The following KHDRBS2 variants were observed in gnomAD, a reference collection of about 807,000 sequenced individuals.
The protein encoded by KHDRBS2 is KH domain-containing, RNA-binding, signal transduction-associated protein 2.
A neutral mutation model predicts 44.3 loss-of-function variants in KHDRBS2; 26 were observed. The ratio of observed to expected loss-of-function variants is 0.59; its 90% CI spans 0.43 to 0.81. KHDRBS2 has a LOEUF of 0.81. Ranked by LOEUF, KHDRBS2 falls within the 40% of genes least tolerant of loss-of-function variation. The pLI is 0.00. For synonymous variants in KHDRBS2, 194 were observed against 151.1 expected, an observed-to-expected ratio of 1.28 and a Z score of -2.08; for missense variants, 476 against 433.1, an observed-to-expected ratio of 1.10 and a Z score of -0.88.
intron 6 of KHDRBS2, among the ~76,000 whole-genome samples, chr6:61,744,417 C>A (rs1776589208): frequency 6.6e-6 from 1 of 152,120 alleles, no homozygotes; most frequent in Non-Finnish European, 1.5e-5. Context: ...GCTATCCATT[C>A]TTTATGTTAC....
At chr6:61,599,551 G>C in the KHDRBS2 span, among the ~76,000 whole-genome samples, 4 of 152,190 alleles carry the variant, frequency 2.6e-5, no homozygotes, top group Non-Finnish European at 4.4e-5. Context: ...TAAGGATAGT[G>C]TTTGCACATA....
At chr6:61,812,463 C>G (rs920741660) in intron 6 of KHDRBS2, among the ~76,000 whole-genome samples, 1 of 151,932 alleles carries the variant, frequency 6.6e-6, no homozygotes, top group Non-Finnish European at 1.5e-5. Flanking sequence ...TTTCCAACAA[C>G]CCAGGAGGAA....
chr6:61,998,156 G>T (rs961654230), intron 3 of KHDRBS2, among the ~76,000 whole-genome samples: 1 of 152,078 alleles, frequency 6.6e-6, no homozygotes, highest in Non-Finnish European at 1.5e-5. Flanking sequence ...GAACCTGAAT[G>T]AGGGAGACTT....
chr6:62,250,144 G>A (rs72870783), intron 1 of KHDRBS2, among the ~76,000 whole-genome samples: 1 of 152,152 alleles, frequency 6.6e-6, no homozygotes, highest in Non-Finnish European at 1.5e-5. Context: ...CAAAGTGCAC[G>A]CTGACTCTCC....
intron 2 of KHDRBS2, among the ~76,000 whole-genome samples, chr6:62,126,039 C>A (rs562371294): frequency 6.6e-6 from 1 of 152,252 alleles, no homozygotes; most frequent in African/African-American, 2.4e-5. Flanking sequence ...TAAGCAGTCT[C>A]TTGGGGTCCC....
chr6:61,819,251 A>G (rs1184617008), intron 6 of KHDRBS2, among the ~76,000 whole-genome samples: 2 of 152,052 alleles, frequency 1.3e-5, no homozygotes, highest in Admixed American at 1.3e-4. Flanking sequence ...ATGAAGGGTT[A>G]AGAGAATAAG....
chr6:61,551,416 C>T, the KHDRBS2 span, among the ~76,000 whole-genome samples: 1 of 152,016 alleles, frequency 6.6e-6, no homozygotes, highest in Admixed American at 6.6e-5. Flanking sequence ...TTGCTTTTGG[C>T]ATCATTGTCA....
At chr6:62,196,032 A>G (rs1563042520) in intron 1 of KHDRBS2, among the ~76,000 whole-genome samples, 1 of 152,290 alleles carries the variant, frequency 6.6e-6, no homozygotes, top group East Asian at 1.9e-4. Flanking sequence ...GTGATTTCCC[A>G]TTCTGGGTGA....
chr6:61,617,417 T>G, the KHDRBS2 span, among the ~76,000 whole-genome samples: 1 of 127,978 alleles, frequency 7.8e-6, no homozygotes, highest in Admixed American at 8.2e-5. Context: ...TTATTTTGAT[T>G]ATCTTCTTTC....
At chr6:62,242,175 T>A (rs926771903) in intron 1 of KHDRBS2, among the ~76,000 whole-genome samples, 1 of 152,162 alleles carries the variant, frequency 6.6e-6, no homozygotes, top group Admixed American at 6.6e-5. Context: ...GATAAAACTA[T>A]GTTTACAGAC....
At chr6:61,845,048 CTA>C (rs1442142388) in intron 6 of KHDRBS2, among the ~76,000 whole-genome samples, 1 of 152,056 alleles carries the variant, frequency 6.6e-6, no homozygotes, top group Non-Finnish European at 1.5e-5. Context: ...AAGATAAACT[CTA>C]GATATTTTAA....
At chr6:61,598,001 T>C in the KHDRBS2 span, among the ~76,000 whole-genome samples, 3 of 149,392 alleles carry the variant, frequency 2.0e-5, no homozygotes, top group East Asian at 2.0e-4. Context: ...AAGGAGCAAA[T>C]ATTTTGTACT....
At chr6:62,198,069 C>CGG (rs987820904) in intron 1 of KHDRBS2, among the ~76,000 whole-genome samples, 4 of 152,108 alleles carry the variant, frequency 2.6e-5, no homozygotes, top group Admixed American at 2.0e-4. Context: ...ATCAGAATCT[C>CGG]GGGGACACAT....
rs1169805370 is a variant in KHDRBS2 at position 62,156,197 on chromosome 6, A to G, written c.219+20988T>C. On this transcript the variant is annotated intron_variant, in intron 2 of 8. Coordinates refer to ENST00000281156, the MANE Select transcript of KHDRBS2 (RefSeq NM_152688.4). ...TCACTGTGTGTAAAAAACTTTTAATAATTTCAAAGGATCTGTGGCAAATAT... is the reference window on the plus strand; with the variant it reads ...TCACTGTGTGTAAAAAACTTTTAATGATTTCAAAGGATCTGTGGCAAATAT... Among the ~76,000 whole-genome samples the G allele has an allele frequency of 3.3e-5, 5 of 152,296 alleles. No homozygotes were observed. The East Asian group carries it at 9.7e-4, about 29-fold the overall frequency.
At chr6:62,002,994 A>C (rs949561953) in intron 3 of KHDRBS2, among the ~76,000 whole-genome samples, 1 of 152,092 alleles carries the variant, frequency 6.6e-6, no homozygotes, top group Non-Finnish European at 1.5e-5. Context: ...CATATGTAAA[A>C]ATTTCATAGT....
intron 3 of KHDRBS2, among the ~76,000 whole-genome samples, chr6:61,998,444 C>T (rs1346344434): frequency 1.3e-5 from 2 of 152,012 alleles, no homozygotes; most frequent in South Asian, 2.1e-4. Flanking sequence ...ATAATATCTA[C>T]ATTTTGGTTT....
At chr6:61,778,793 T>C (rs750934107) in intron 6 of KHDRBS2, among the ~76,000 whole-genome samples, 34 of 152,306 alleles carry the variant, frequency 2.2e-4, no homozygotes, top group Non-Finnish European at 4.6e-4. Flanking sequence ...GTTTAAATGA[T>C]AAAATGCCAG....
chr6:61,816,848 TA>T (rs1176610053), intron 6 of KHDRBS2: 1 of 412,404 alleles, frequency 2.4e-6, no homozygotes, highest in African/African-American at 2.1e-5. Context: ...ATATTCCTCT[TA>T]AATCTATGAG....
intron 2 of KHDRBS2, among the ~76,000 whole-genome samples, chr6:62,105,283 C>A (rs1282731097): frequency 1.3e-5 from 2 of 152,166 alleles, no homozygotes; most frequent in Non-Finnish European, 2.9e-5. Flanking sequence ...AACAGGCTGG[C>A]ATTACTCTGG....
Sources: gnomAD v4.1 joint callset for allele counts (sites outside exome capture counted in the v4.1 genomes callset) on GRCh38, gnomAD v4.1.1 for gene constraint, MANE v1.5 for transcripts, NCBI Gene and HGNC (gene_info 2026-07-23, HGNC 2026-07-21) for gene names.